The following SLC9A9 variants were observed in gnomAD, a reference collection of about 807,000 sequenced individuals.
SLC9A9 encodes the protein solute carrier family 9 member A9, also known as sodium/hydrogen exchanger 9.
SLC9A9 carries 62 observed loss-of-function variants against 77.8 expected under a neutral mutation model. The ratio of observed to expected loss-of-function variants is 0.80; its 90% CI spans 0.65 to 0.98. The LOEUF (loss-of-function observed/expected upper bound fraction) is 0.98, where lower values mean the gene tolerates loss of function less well. Ranked by LOEUF, SLC9A9 falls within the 50% of genes least tolerant of loss-of-function variation. The pLI, the probability that SLC9A9 is intolerant of heterozygous loss-of-function variation, is 0.00. For missense variants in SLC9A9, 775 were observed against 774.9 expected (o/e 1.00, Z 0.00); for synonymous variants, 320 against 283.5 (o/e 1.13, Z -1.29).
At chr3:143,653,192 T>A (rs1013517130) in intron 5 of SLC9A9, among the ~76,000 whole-genome samples, 4 of 152,212 alleles carry the variant, frequency 2.6e-5, no homozygotes, top group Admixed American at 1.3e-4. Context: ...GAACAGGACA[T>A]GAGGATTTGT....
intron 6 of SLC9A9, among the ~76,000 whole-genome samples, chr3:143,595,577 A>G (rs1463639094): frequency 6.6e-6 from 1 of 152,222 alleles, no homozygotes; most frequent in Admixed American, 6.5e-5. Flanking sequence ...AAGATCAGAT[A>G]CAATGCTATG....
At chr3:143,698,915 G>C (rs1933717681) in intron 4 of SLC9A9, among the ~76,000 whole-genome samples, 1 of 152,112 alleles carries the variant, frequency 6.6e-6, no homozygotes, top group Non-Finnish European at 1.5e-5. Context: ...GGAAAACCCA[G>C]GATCTACATG....
chr3:143,653,064 A>G (rs977390264), intron 5 of SLC9A9, among the ~76,000 whole-genome samples: 1 of 152,186 alleles, frequency 6.6e-6, no homozygotes, highest in African/African-American at 2.4e-5. Flanking sequence ...GAGTGAATGA[A>G]TAAATGAATA....
intron 13 of SLC9A9, among the ~76,000 whole-genome samples, chr3:143,371,333 C>A (rs138673960): frequency 6.6e-5 from 10 of 152,170 alleles, no homozygotes; most frequent in Admixed American, 3.3e-4. Context: ...AATGACCATG[C>A]CCTAAAACCG....
chr3:143,600,638 G>A lies in SLC9A9; in HGVS notation c.756-21915C>T, dbSNP rs186718698. 1.4e-4 allele frequency among the ~76,000 whole-genome samples: 21 copies of A among 152,258 alleles called. No individual in the cohort carries two copies. The East Asian group carries it at 2.7e-3, about 20-fold the overall frequency. ...AGAATTGAGATCACCCTCCCAAAAC[G>A]CAATAAATCAGAGAGGTTGATCAGC... On this transcript the variant is annotated intron_variant, in intron 6 of 15. Coordinates refer to ENST00000316549, the MANE Select transcript of SLC9A9 (RefSeq NM_173653.4).
At chr3:143,286,187 T>C (rs17636071) in intron 14 of SLC9A9, among the ~76,000 whole-genome samples, 6,472 of 152,292 alleles carry the variant, frequency 0.042, 173 homozygotes, top group Non-Finnish European at 0.066. Flanking sequence ...TTTCTCCTAA[T>C]TGGGCTTCCT....
At chr3:143,832,444 A>AT (rs918809614) in intron 1 of SLC9A9, among the ~76,000 whole-genome samples, 23 of 151,974 alleles carry the variant, frequency 1.5e-4, no homozygotes, top group African/African-American at 4.8e-4. Context: ...AAATCTTCCC[A>AT]TTTTTTTTCT....
At chr3:143,610,992 T>C (rs1040941666) in intron 6 of SLC9A9, among the ~76,000 whole-genome samples, 1 of 151,972 alleles carries the variant, frequency 6.6e-6, no homozygotes, top group Non-Finnish European at 1.5e-5. Flanking sequence ...AAAAAAAAAT[T>C]GCAGAAAGCA....
chr3:143,625,750 C>G (rs2038311309), intron 6 of SLC9A9, among the ~76,000 whole-genome samples: 2 of 152,096 alleles, frequency 1.3e-5, no homozygotes, highest in Admixed American at 1.3e-4. Flanking sequence ...GCAACAAAAG[C>G]CAAAATTGAC....
At chr3:143,756,584 C>T (rs953443422) in intron 4 of SLC9A9, among the ~76,000 whole-genome samples, 3 of 152,214 alleles carry the variant, frequency 2.0e-5, no homozygotes, top group Admixed American at 6.5e-5. Context: ...TCTTCCACAT[C>T]TGTGCATAAC....
chr3:143,826,325 A>G lies in SLC9A9; in HGVS notation c.378+5694T>C, dbSNP rs112464712. On this transcript the variant is annotated intron_variant, in intron 2 of 15. Coordinates refer to ENST00000316549, the MANE Select transcript of SLC9A9 (RefSeq NM_173653.4). ...CTCCTACAAATCAACTCCTTCTTCTAACTTTTAACTTCCACATTTTTGCCT... is the reference window on the plus strand; with the variant it reads ...CTCCTACAAATCAACTCCTTCTTCTGACTTTTAACTTCCACATTTTTGCCT... Among the ~76,000 whole-genome samples the G allele has an allele frequency of 5.1e-3, 772 of 151,620 alleles. 4 individuals carry two copies. Among genetic ancestry groups the G allele is most frequent in the Non-Finnish European group, 8.9e-3 (604 of 67,942 alleles).
At chr3:143,458,464 T>C (rs1032249583) in intron 12 of SLC9A9, among the ~76,000 whole-genome samples, 20 of 152,138 alleles carry the variant, frequency 1.3e-4, no homozygotes, top group African/African-American at 4.8e-4. Flanking sequence ...TATCATTTTA[T>C]TACCTGTTTC....
chr3:143,747,896 T>C (rs1935232759), intron 4 of SLC9A9, among the ~76,000 whole-genome samples: 1 of 152,334 alleles, frequency 6.6e-6, no homozygotes, highest in African/African-American at 2.4e-5. Flanking sequence ...CCAGTGGTCC[T>C]TTCCCCTCAG....
At position 143,422,058 on chromosome 3, in the gene SLC9A9, T is replaced by A. The variant is rs555385323; in HGVS notation, c.1470-39944A>T. Among the ~76,000 whole-genome samples the A allele has an allele frequency of 2.0e-5, 3 of 152,296 alleles. No individual in the cohort carries two copies. The South Asian group carries it at 6.2e-4, about 32-fold the overall frequency. Reference sequence around the variant, plus strand: ...TGATATTATCTCATGCCAGTCAGAATGGCTATGATTAAAAAGACAAACAAA... The same window carrying A: ...TGATATTATCTCATGCCAGTCAGAAAGGCTATGATTAAAAAGACAAACAAA... On this transcript the variant is annotated intron_variant, in intron 12 of 15. Coordinates refer to ENST00000316549, the MANE Select transcript of SLC9A9 (RefSeq NM_173653.4).
At chr3:143,581,447 G>T (rs1186369653) in intron 6 of SLC9A9, among the ~76,000 whole-genome samples, 2 of 151,978 alleles carry the variant, frequency 1.3e-5, no homozygotes. Context: ...GGCATGTTTT[G>T]TTCTCTCTCC....
intron 12 of SLC9A9, among the ~76,000 whole-genome samples, chr3:143,403,778 CTT>C (rs1160632202): frequency 6.6e-6 from 1 of 152,182 alleles, no homozygotes; most frequent in African/African-American, 2.4e-5. Flanking sequence ...TCTTTCAACA[CTT>C]TGAGTATAAT....
intron 12 of SLC9A9, among the ~76,000 whole-genome samples, chr3:143,407,972 T>A (rs1381522318): frequency 6.6e-6 from 1 of 152,214 alleles, no homozygotes; most frequent in African/African-American, 2.4e-5. Flanking sequence ...AGGATCAAGA[T>A]GCTGGCCAAT....
chr3:143,827,158 G>T (rs1476437293), intron 2 of SLC9A9, among the ~76,000 whole-genome samples: 1 of 152,158 alleles, frequency 6.6e-6, no homozygotes, highest in African/African-American at 2.4e-5. Context: ...AGACATTTTG[G>T]TATTCCTAAA....
At chr3:143,395,949 A>G (rs998141793) in intron 12 of SLC9A9, among the ~76,000 whole-genome samples, 3 of 152,242 alleles carry the variant, frequency 2.0e-5, no homozygotes, top group Admixed American at 2.0e-4. Context: ...TCAGGAAACA[A>G]CAAGTGCTGG....
Sources: allele counts gnomAD v4.1 joint callset (sites outside exome capture counted in the v4.1 genomes callset), GRCh38; gene constraint gnomAD v4.1.1; transcripts MANE v1.5; gene names NCBI Gene and HGNC (gene_info 2026-07-23, HGNC 2026-07-21).